The following C13orf42 variants were observed in gnomAD, a reference collection of about 807,000 sequenced individuals.
C13orf42 encodes uncharacterized protein C13orf42.
intron 1 of C13orf42, among the ~76,000 whole-genome samples, chr13:51,166,156 T>C (rs1175076773): frequency 1.3e-5 from 2 of 152,098 alleles, no homozygotes; most frequent in African/African-American, 4.8e-5. Flanking sequence ...TACTTTCTGG[T>C]GGTAAGGTTC....
At position 51,108,143 on chromosome 13, in the gene C13orf42, C is replaced by G. The variant is rs577186162; in HGVS notation, c.414+2653G>C. On this transcript the variant is annotated intron_variant, in intron 1 of 3. Transcript: ENST00000563710. ...CTCTGTGTCCTCACATGGCCATCTT[C>G]TTATGAAAACACCAGTCCTATGGGA... Among the ~76,000 whole-genome samples the G allele has an allele frequency of 2.1e-3, 313 of 152,312 alleles. 1 individual carries two copies. The highest frequency in any genetic ancestry group is 3.9e-3 in the Non-Finnish European group (268 of 68,022).
At chr13:51,122,816 GTTC>G (rs1426817041) in intron 1 of C13orf42, among the ~76,000 whole-genome samples, 3 of 152,078 alleles carry the variant, frequency 2.0e-5, no homozygotes, top group African/African-American at 7.2e-5. Flanking sequence ...CTTCAGTTCT[GTTC>G]TTGTTTCTGA....
intron 1 of C13orf42, among the ~76,000 whole-genome samples, chr13:51,145,263 A>C (rs1407979170): frequency 6.6e-6 from 1 of 152,234 alleles, no homozygotes; most frequent in Non-Finnish European, 1.5e-5. Flanking sequence ...CTATTTACAT[A>C]CATAAGCCAC....
Position 51,087,983 on chromosome 13 carries a change from C to G in C13orf42, c.507G>C (p.Glu169Asp), listed in dbSNP as rs1331085472. Residue 169 changes from glutamate (E) to aspartate (D), a missense_variant, in exon 2 of 4, where the codon GAG becomes GAC. Coordinates refer to ENST00000563710, the MANE Select transcript of C13orf42 (RefSeq NM_001351589.3). ...FDSIIAELDT[E>D]RRPRAAEASL... ...TGGCCTCAGCAGCCCGGGGTCGTCT[C>G]TCTGTATCCAGCTCTGCAATGATGG... 2.5e-6 allele frequency: 1 copy of G among 398,780 alleles called. No homozygotes were observed. Among genetic ancestry groups the G allele is most frequent in the African/African-American group, 2.1e-5 (1 of 48,618 alleles). 24.7% of individuals were successfully genotyped at this position (398,780 alleles called of 1,614,324 possible).
At chr13:51,107,527 T>G (rs1645475153) in intron 1 of C13orf42, among the ~76,000 whole-genome samples, 1 of 152,144 alleles carries the variant, frequency 6.6e-6, no homozygotes, top group Admixed American at 6.5e-5. Flanking sequence ...ACAAGGGAAC[T>G]TAGGTCCTGT....
intron 1 of C13orf42, among the ~76,000 whole-genome samples, chr13:51,149,888 C>A (rs1273278248): frequency 6.6e-6 from 1 of 152,164 alleles, no homozygotes; most frequent in Admixed American, 6.5e-5. Flanking sequence ...AAGATACTAA[C>A]ACTAACCCTG....
intron 1 of C13orf42, among the ~76,000 whole-genome samples, chr13:51,170,652 G>GA (rs57183222): frequency 2.5e-4 from 5 of 20,032 alleles, no homozygotes; most frequent in African/African-American, 1.0e-3. Flanking sequence ...CACGGGCTGG[G>GA]AAGGCAGCCT....
chr13:51,096,904 A>G (rs1265192415), intron 1 of C13orf42, among the ~76,000 whole-genome samples: 1 of 152,234 alleles, frequency 6.6e-6, no homozygotes, highest in Non-Finnish European at 1.5e-5. Flanking sequence ...CTTTCATGTC[A>G]GTCCCTTCTC....
intron 1 of C13orf42, among the ~76,000 whole-genome samples, chr13:51,143,775 T>C (rs1953714670): frequency 6.6e-6 from 1 of 152,186 alleles, no homozygotes; most frequent in African/African-American, 2.4e-5. Flanking sequence ...CTTTAAGGCA[T>C]TAGGTTCGCT....
chr13:51,096,317 C>G (rs899650959), intron 1 of C13orf42, among the ~76,000 whole-genome samples: 2 of 152,138 alleles, frequency 1.3e-5, no homozygotes, highest in African/African-American at 2.4e-5. Flanking sequence ...AGGGCATTCA[C>G]TGTTTTCTGA....
chr13:51,141,786 A>T (rs1196212216), intron 1 of C13orf42, among the ~76,000 whole-genome samples: 1 of 135,734 alleles, frequency 7.4e-6, no homozygotes, highest in Non-Finnish European at 1.6e-5. Flanking sequence ...TGACAGAGTT[A>T]GACTCCATCT....
intron 1 of C13orf42, among the ~76,000 whole-genome samples, chr13:51,147,696 TCCAGC>T (rs1953748263): frequency 6.6e-6 from 1 of 150,398 alleles, no homozygotes; most frequent in East Asian, 1.9e-4. Flanking sequence ...ACCATTGCAC[TCCAGC>T]CTGGGCAACA....
chr13:51,159,496 G>A (rs891853086), intron 1 of C13orf42, among the ~76,000 whole-genome samples: 1 of 152,170 alleles, frequency 6.6e-6, no homozygotes, highest in African/African-American at 2.4e-5. Context: ...GGAAAACATA[G>A]ATTATAGAAA....
intron 1 of C13orf42, among the ~76,000 whole-genome samples, chr13:51,126,265 CAATGA>C (rs1953576137): frequency 6.6e-6 from 1 of 152,088 alleles, no homozygotes; most frequent in Admixed American, 6.5e-5. Flanking sequence ...ACAGCAGTGC[CAATGA>C]AATGCATTGA....
chr13:51,160,209 A>G (rs1309414975), intron 1 of C13orf42, among the ~76,000 whole-genome samples: 2 of 152,206 alleles, frequency 1.3e-5, no homozygotes, highest in Non-Finnish European at 2.9e-5. Flanking sequence ...CACAATGCCA[A>G]TGTTTAGAAA....
chr13:51,166,303 G>T (rs1194224657), intron 1 of C13orf42, among the ~76,000 whole-genome samples: 1 of 151,710 alleles, frequency 6.6e-6, no homozygotes, highest in Non-Finnish European at 1.5e-5. Context: ...GGACATGGAT[G>T]AAATTGGAAA....
intron 1 of C13orf42, among the ~76,000 whole-genome samples, chr13:51,117,928 C>CA (rs1296713627): frequency 6.6e-6 from 1 of 152,156 alleles, no homozygotes; most frequent in Admixed American, 6.5e-5. Context: ...CCTGCATGGT[C>CA]AAAAGTGGCT....
intron 1 of C13orf42, among the ~76,000 whole-genome samples, chr13:51,145,058 T>C (rs1340227683): frequency 6.6e-6 from 1 of 152,214 alleles, no homozygotes; most frequent in African/African-American, 2.4e-5. Flanking sequence ...TTTTTCCTAT[T>C]TTTATTATTT....
At chr13:51,115,801 G>T (rs1953485702), upstream of C13orf42, among the ~76,000 whole-genome samples, 1 of 152,200 alleles carries the variant, frequency 6.6e-6, no homozygotes, top group African/African-American at 2.4e-5. Flanking sequence ...ATGTCACGAA[G>T]TCCAAGTCCA....
Sources: allele counts gnomAD v4.1 joint callset (sites outside exome capture counted in the v4.1 genomes callset), GRCh38; gene constraint gnomAD v4.1.1; transcripts MANE v1.5; gene names NCBI Gene and HGNC (gene_info 2026-07-23, HGNC 2026-07-21).